Variants in KCNQ5 observed in about 807,000 individuals in gnomAD.
KCNQ5 encodes the protein potassium voltage-gated channel subfamily KQT member 5.
In KCNQ5, 30 loss-of-function variants were observed where a neutral mutation model predicts 98.2. The observed-to-expected ratio is 0.31, with a 90% CI of 0.23 to 0.41. KCNQ5 has a LOEUF of 0.41. Ranked by LOEUF, KCNQ5 falls within the 10% of genes least tolerant of loss-of-function variation. The probability of loss-of-function intolerance (pLI) is 1.00; values close to 1 mark genes in which losing one functional copy is unlikely to be tolerated. For synonymous variants in KCNQ5, 458 were observed against 449.4 expected (o/e 1.02, Z -0.24); for missense variants, 835 against 1,182.5 (o/e 0.71, Z 4.31).
chr6:72,725,937 C>A (rs1265865986), intron 1 of KCNQ5, among the ~76,000 whole-genome samples: 1 of 152,006 alleles, frequency 6.6e-6, no homozygotes, highest in Non-Finnish European at 1.5e-5. Flanking sequence ...ATCAGTTATG[C>A]ATTTATCAGA....
intron 3 of KCNQ5, among the ~76,000 whole-genome samples, chr6:73,069,354 C>A (rs996812292): frequency 6.6e-5 from 10 of 152,066 alleles, no homozygotes; most frequent in African/African-American, 2.2e-4. Flanking sequence ...CACTTCTCAA[C>A]TGCAAAATAT....
At chr6:72,843,365 A>G (rs1776883842) in intron 1 of KCNQ5, among the ~76,000 whole-genome samples, 1 of 152,162 alleles carries the variant, frequency 6.6e-6, no homozygotes, top group Non-Finnish European at 1.5e-5. Context: ...TATCAGTACC[A>G]TGCTGTTTTG....
chr6:72,667,900 A>G (rs1381514440), intron 1 of KCNQ5, among the ~76,000 whole-genome samples: 2 of 152,222 alleles, frequency 1.3e-5, no homozygotes, highest in Non-Finnish European at 2.9e-5. Flanking sequence ...TTTCAAGGTC[A>G]TGAAAGGCAA....
At chr6:72,643,279 C>T (rs1765420721) in intron 1 of KCNQ5, among the ~76,000 whole-genome samples, 1 of 152,064 alleles carries the variant, frequency 6.6e-6, no homozygotes, top group African/African-American at 2.4e-5. Flanking sequence ...TAAAAAAGGC[C>T]TCCTTTGGTC....
In KCNQ5 at chr6:72,812,960, A is replaced by G. The variant is rs565223675; in HGVS notation, c.398+190373A>G. Among the ~76,000 whole-genome samples, 3 of 152,296 alleles carry G rather than the reference A, an allele frequency of 2.0e-5. No homozygotes were observed. The East Asian group carries it at 5.8e-4, about 29-fold the overall frequency. On this transcript the variant is annotated intron_variant, in intron 1 of 13. Transcript: ENST00000370398. ...TGCATATTTCCCTGATTGATTTATA[A>G]TCTATTGATAATTAATTTATAAGAT...
At chr6:72,861,702 T>C (rs76256233) in intron 1 of KCNQ5, among the ~76,000 whole-genome samples, 3,239 of 152,240 alleles carry the variant, frequency 0.021, 43 homozygotes, top group Non-Finnish European at 0.032. Context: ...TTGTCTGTTG[T>C]AATTTTGAAT....
At chr6:72,972,152 G>C (rs1341439972) in intron 1 of KCNQ5, among the ~76,000 whole-genome samples, 7 of 152,088 alleles carry the variant, frequency 4.6e-5, no homozygotes, top group African/African-American at 1.7e-4. Context: ...AAGTGCCTCA[G>C]CCCCTACCTC....
chr6:73,039,230 AAG>A (rs1474731958), intron 2 of KCNQ5, among the ~76,000 whole-genome samples: 2 of 152,152 alleles, frequency 1.3e-5, no homozygotes, highest in Non-Finnish European at 2.9e-5. Context: ...GCTTTCAAGA[AAG>A]AGATTTATCA....
At chr6:73,135,408 TTA>T (rs1491507637) in intron 10 of KCNQ5, 12 of 146,078 alleles carry the variant, frequency 8.2e-5, no homozygotes, top group Admixed American at 3.4e-4. Flanking sequence ...ATTTTCTTTT[TTA>T]AAAAAAAAAA....
intron 5 of KCNQ5, among the ~76,000 whole-genome samples, chr6:73,102,191 C>T (rs557684783): frequency 6.6e-6 from 1 of 151,980 alleles, no homozygotes; most frequent in South Asian, 2.1e-4. Context: ...AACTGGATAT[C>T]CATATGAAGA....
At chr6:72,948,825 G>T (rs533077274) in intron 1 of KCNQ5, among the ~76,000 whole-genome samples, 1 of 152,228 alleles carries the variant, frequency 6.6e-6, no homozygotes, top group Admixed American at 6.5e-5. Flanking sequence ...AATTGATGTT[G>T]ACAATATTAT....
chr6:72,628,713 G>A (rs1449200785), intron 1 of KCNQ5, among the ~76,000 whole-genome samples: 2 of 152,106 alleles, frequency 1.3e-5, no homozygotes, highest in South Asian at 2.1e-4. Context: ...AAGTTCAAGC[G>A]ATTTTGCTGC....
At position 72,645,199 on chromosome 6, in the gene KCNQ5, G is replaced by A. The variant is rs1254007390; in HGVS notation, c.398+22612G>A. Among the ~76,000 whole-genome samples, 3 of 128,364 alleles carry A rather than the reference G, an allele frequency of 2.3e-5. No individual in the cohort carries two copies. In the Admixed American group the frequency reaches 2.6e-4, roughly 11 times the overall value. The allele number at this position is 128,364 out of a possible 152,430, so 84.2% of individuals were successfully genotyped here. On this transcript the variant is annotated intron_variant, in intron 1 of 13. Transcript: ENST00000370398. ...AATCTGGGCTATATAGTGAGACCTT[G>A]TCACCAAAAAAAAACAAAAAAAAAC...
At chr6:72,761,859 G>A (rs1322685662) in intron 1 of KCNQ5, among the ~76,000 whole-genome samples, 1 of 152,010 alleles carries the variant, frequency 6.6e-6, no homozygotes, top group Admixed American at 6.6e-5. Flanking sequence ...CCAGATAGCA[G>A]GAGTAGTGGC....
chr6:72,762,436 GT>G (rs1554158861), intron 1 of KCNQ5, among the ~76,000 whole-genome samples: 1 of 151,794 alleles, frequency 6.6e-6, no homozygotes, highest in Non-Finnish European at 1.5e-5. Flanking sequence ...AATAGAATAC[GT>G]TTTAAGTTTA....
At chr6:73,176,470 A>G (rs1778217802) in intron 11 of KCNQ5, among the ~76,000 whole-genome samples, 2 of 152,218 alleles carry the variant, frequency 1.3e-5, no homozygotes, top group Non-Finnish European at 2.9e-5. Context: ...TTTTATTTAT[A>G]AATTTTTCAG....
At chr6:73,161,455 G>GA (rs1777611458) in intron 10 of KCNQ5, among the ~76,000 whole-genome samples, 1 of 152,146 alleles carries the variant, frequency 6.6e-6, no homozygotes, top group Non-Finnish European at 1.5e-5. Context: ...AGCTCAAATA[G>GA]CTAGAAAAGA....
intron 1 of KCNQ5, among the ~76,000 whole-genome samples, chr6:72,893,780 T>C (rs1779146398): frequency 6.6e-6 from 1 of 152,186 alleles, no homozygotes; most frequent in Non-Finnish European, 1.5e-5. Context: ...ATTAAGCATC[T>C]ACTCTATGCC....
chr6:72,842,572 T>C (rs1250504988), intron 1 of KCNQ5, among the ~76,000 whole-genome samples: 2 of 152,034 alleles, frequency 1.3e-5, no homozygotes, highest in East Asian at 3.9e-4. Context: ...AAATTTAAGC[T>C]AGTGGCTGAA....
Sources: gnomAD v4.1 joint callset for allele counts (sites outside exome capture counted in the v4.1 genomes callset) on GRCh38, gnomAD v4.1.1 for gene constraint, MANE v1.5 for transcripts, NCBI Gene and HGNC (gene_info 2026-07-23, HGNC 2026-07-21) for gene names.